Variants in PMEPA1 observed in about 807,000 individuals in gnomAD.
PMEPA1 encodes the protein protein TMEPAI.
A neutral mutation model predicts 23.0 loss-of-function variants in PMEPA1; 11 were observed. The observed-to-expected ratio is 0.48, with a 90% confidence interval of 0.30 to 0.79. The LOEUF (loss-of-function observed/expected upper bound fraction) is 0.79. Ranked by LOEUF, PMEPA1 falls within the 30% of genes least tolerant of loss-of-function variation. The probability of loss-of-function intolerance (pLI) is 0.06; values close to 1 mark genes in which losing one functional copy is unlikely to be tolerated. For synonymous variants in PMEPA1, 204 were observed against 166.4 expected (o/e 1.23, Z -1.74); for missense variants, 377 against 390.9 (o/e 0.96, Z 0.30).
chr20:57,691,633 C>T (rs2071883328), intron 1 of PMEPA1, among the ~76,000 whole-genome samples: 1 of 152,162 alleles, frequency 6.6e-6, no homozygotes, highest in African/African-American at 2.4e-5. Context: ...CATTACTCTG[C>T]TGTTGAGGGT....
chr20:57,667,023 G>A (rs1198603219), intron 1 of PMEPA1, among the ~76,000 whole-genome samples: 3 of 152,204 alleles, frequency 2.0e-5, no homozygotes, highest in Non-Finnish European at 4.4e-5. Context: ...AAATGACCTC[G>A]CAGTGGACAC....
intron 1 of PMEPA1, among the ~76,000 whole-genome samples, chr20:57,662,571 T>A (rs1484678924): frequency 2.0e-5 from 3 of 152,084 alleles, no homozygotes; most frequent in African/African-American, 7.2e-5. Flanking sequence ...TGGCCACACC[T>A]CCTGTCTCCC....
At chr20:57,689,793 G>GTAAAAAGAGAGGCTGTGGCCT (rs1568980850) in intron 1 of PMEPA1, among the ~76,000 whole-genome samples, 1 of 152,264 alleles carries the variant, frequency 6.6e-6, no homozygotes, top group Non-Finnish European at 1.5e-5. Flanking sequence ...GGGACCTGTC[G>GTAAAAAGAGAGGCTGTGGCCT]TAAAAAGAGA....
Position 57,652,437 on chromosome 20 carries a change from G to C in PMEPA1, c.480C>G (p.Pro160=). The stretch of plus-strand genomic sequence containing the variant: ...GCTGGAGGGTGCAGGGGCCCTGGTA[G>C]GGTGGGGGCTCCTCCCCGTCTGACA... ...ISLSDGEEPP[P]YQGPCTLQLR... The change falls in exon 4 of 4, where the codon CCC becomes CCG. Residue 160 remains proline (P), a synonymous_variant. Transcript: ENST00000341744. This position sits in a 1 kb window ranked among gnomAD's most constrained non-coding sequence, Gnocchi z 6.1. 6.2e-7 allele frequency: 1 copy of C among 1,613,590 alleles called. No homozygotes were observed.
chr20:57,655,876 A>C lies in PMEPA1; in HGVS notation c.265-2790T>G, dbSNP rs1217348779. On this transcript the variant is annotated intron_variant, in intron 2 of 3. Transcript: ENST00000341744. This position sits in a 1 kb window ranked among gnomAD's most constrained non-coding sequence, Gnocchi z 4.2. The stretch of plus-strand genomic sequence containing the variant: ...TTGTGGGCCGGCGGGTCTCTGTCAT[A>C]CCACTGAACCCTGCTGCTACAGCCA... Among the ~76,000 whole-genome samples, 1 of 152,132 alleles carries C rather than the reference A, an allele frequency of 6.6e-6. No homozygotes were observed. The highest frequency in any genetic ancestry group is 6.5e-5 in the Admixed American group (1 of 15,290).
rs576163801 is a variant in PMEPA1, at chr20:57,704,325, A to C, written c.109+5149T>G. Among the ~76,000 whole-genome samples, 37 of 152,162 alleles carry C rather than the reference A, an allele frequency of 2.4e-4. No individual in the cohort carries two copies. The highest frequency in any genetic ancestry group is 2.2e-3 in the Admixed American group (33 of 15,298). On this transcript the variant is annotated intron_variant, in intron 1 of 3. Coordinates refer to ENST00000341744, the MANE Select transcript of PMEPA1 (RefSeq NM_020182.5). This position sits in a 1 kb window ranked among gnomAD's most constrained non-coding sequence, Gnocchi z 4.6. ...TTGCTTCCCTGAACCATGCTCCCCCAGCCTCGGGGAGCCCCTGGCACAGCA... is the reference window on the plus strand; with the variant it reads ...TTGCTTCCCTGAACCATGCTCCCCCCGCCTCGGGGAGCCCCTGGCACAGCA...
At chr20:57,684,547 C>A (rs970138768) in intron 1 of PMEPA1, among the ~76,000 whole-genome samples, 1 of 152,184 alleles carries the variant, frequency 6.6e-6, no homozygotes, top group Non-Finnish European at 1.5e-5. Flanking sequence ...GCCTATTTGG[C>A]CTCTGCACCG....
At chr20:57,706,416 G>C (rs1173761014) in intron 1 of PMEPA1, among the ~76,000 whole-genome samples, 1 of 152,196 alleles carries the variant, frequency 6.6e-6, no homozygotes, top group African/African-American at 2.4e-5. Context: ...CATCTGCAAG[G>C]CTGTCACTCG....
At chr20:57,663,450 C>G (rs2071450499) in intron 1 of PMEPA1, among the ~76,000 whole-genome samples, 2 of 152,102 alleles carry the variant, frequency 1.3e-5, no homozygotes, top group Admixed American at 1.3e-4. Flanking sequence ...CAGTGGGCAG[C>G]AGGATGTGCG....
chr20:57,705,158 C>T (rs936690383), intron 1 of PMEPA1, among the ~76,000 whole-genome samples: 4 of 152,164 alleles, frequency 2.6e-5, no homozygotes, highest in African/African-American at 7.2e-5. Context: ...TGCACGTGTG[C>T]GCATGCAAGC....
chr20:57,710,808 A>G (rs925116927), upstream of PMEPA1: 5 of 294,548 alleles, frequency 1.7e-5, no homozygotes, highest in Non-Finnish European at 3.1e-5. Flanking sequence ...ACAAGAACAC[A>G]TTCTTCAGGT....
intron 1 of PMEPA1, among the ~76,000 whole-genome samples, chr20:57,699,497 T>A (rs373707420): frequency 5.3e-5 from 8 of 152,060 alleles, no homozygotes; most frequent in African/African-American, 1.9e-4. Flanking sequence ...CTGAGCTATG[T>A]TAAAGAGCCC....
At chr20:57,665,899 C>T (rs1315861086) in intron 1 of PMEPA1, among the ~76,000 whole-genome samples, 2 of 152,102 alleles carry the variant, frequency 1.3e-5, no homozygotes, top group Admixed American at 6.5e-5. Flanking sequence ...GAGGCCCTTG[C>T]GGGGAGGCAC....
intron 1 of PMEPA1, among the ~76,000 whole-genome samples, chr20:57,703,099 C>T (rs145326641): frequency 5.9e-5 from 9 of 152,294 alleles, no homozygotes; most frequent in South Asian, 2.1e-4. Context: ...TGTCATCCAA[C>T]GGGAAAATGA....
chr20:57,671,563 C>T (rs893619653), intron 1 of PMEPA1, among the ~76,000 whole-genome samples: 8 of 152,138 alleles, frequency 5.3e-5, no homozygotes, highest in Non-Finnish European at 1.0e-4. Flanking sequence ...TATACACACA[C>T]ATATATATCC....
At chr20:57,654,299 T>G (rs1250481195) in intron 2 of PMEPA1, among the ~76,000 whole-genome samples, 1 of 152,168 alleles carries the variant, frequency 6.6e-6, no homozygotes, top group African/African-American at 2.4e-5. Context: ...GGGCATATAT[T>G]TATACCAAGA....
intron 1 of PMEPA1, among the ~76,000 whole-genome samples, chr20:57,697,908 C>G (rs909987787): frequency 6.6e-6 from 1 of 152,170 alleles, no homozygotes; most frequent in Admixed American, 6.5e-5. Flanking sequence ...ATGCAAAGAA[C>G]GAACAACCGC....
At chr20:57,691,694 A>G (rs976398932) in intron 1 of PMEPA1, 4 of 151,862 alleles carry the variant, frequency 2.6e-5, no homozygotes, top group African/African-American at 9.7e-5. Context: ...CAGGACCCTC[A>G]CCCTCACTCT....
At chr20:57,676,345 C>T (rs765580715) in intron 1 of PMEPA1, among the ~76,000 whole-genome samples, 6 of 152,200 alleles carry the variant, frequency 3.9e-5, no homozygotes, top group South Asian at 2.1e-4. Flanking sequence ...GCTCTCGGAA[C>T]GCTAGCTGGT....
Sources: gnomAD v4.1 joint callset for allele counts (sites outside exome capture counted in the v4.1 genomes callset) on GRCh38, gnomAD v4.1.1 for gene constraint, Gnocchi (gnomAD v3.1) non-coding constraint, MANE v1.5 for transcripts, NCBI Gene and HGNC (gene_info 2026-07-23, HGNC 2026-07-21) for gene names.